The following IL16 variants were observed in gnomAD, a reference collection of about 807,000 sequenced individuals.
IL16 encodes the protein pro-interleukin-16.
Under a neutral mutation model 110.1 loss-of-function variants are expected in IL16, and 67 were observed. The ratio of observed to expected loss-of-function variants is 0.61; its 90% CI spans 0.50 to 0.75. IL16 has a LOEUF of 0.75. Among genes scored for constraint, IL16 ranks in the 30% least tolerant of loss-of-function variants. The pLI is 0.00. For missense variants in IL16, 1,545 were observed against 1,655.0 expected, an observed-to-expected ratio of 0.93 and a Z score of 1.15; for synonymous variants, 689 against 662.9, an observed-to-expected ratio of 1.04 and a Z score of -0.61.
At chr15:81,255,298 A>G (rs948432513) in intron 2 of IL16, among the ~76,000 whole-genome samples, 1 of 152,208 alleles carries the variant, frequency 6.6e-6, no homozygotes, top group African/African-American at 2.4e-5. Context: ...TCTCTCCTAT[A>G]GTAGCCATCT....
At chr15:81,292,462 C>G in intron 11 of IL16, 94 bp from the exon 12 acceptor site, 1 of 1,554,928 alleles carries the variant, frequency 6.4e-7, no homozygotes, top group Non-Finnish European at 8.8e-7. Context: ...GGCCGATGTG[C>G]AGTGTGCTGC....
Position 81,300,128 on chromosome 15 carries a change from C to A in IL16, c.2802C>A (p.Leu934=), listed in dbSNP as rs1301028038. 16 of 1,599,220 alleles carry A rather than the reference C, an allele frequency of 1.0e-5. No individual in the cohort carries two copies. The highest frequency in any genetic ancestry group is 6.9e-5 in the Admixed American group (4 of 58,130). ...PPGRQPNQKT[L]PPGPDPLLRL... ...GGCGGCAGCCCAATCAGAAAACTCT[C>A]CCCCCTGGCCCGGACCCGCTCCTAA... The change falls in exon 14 of 19, where the codon CTC becomes CTA. Residue 934 remains leucine (L), a synonymous_variant. Coordinates refer to ENST00000683961, the MANE Select transcript of IL16 (RefSeq NM_172217.5).
Position 81,209,538 on chromosome 15 carries a change from T to G in IL16, c.-102+12386T>G, listed in dbSNP as rs147329158. Among the ~76,000 whole-genome samples the G allele has an allele frequency of 1.8e-3, 267 of 152,206 alleles. 1 individual carries two copies. The highest frequency in any genetic ancestry group is 6.2e-3 in the African/African-American group (256 of 41,510). On this transcript the variant is annotated intron_variant, in intron 1 of 18. Coordinates refer to ENST00000683961, the MANE Select transcript of IL16 (RefSeq NM_172217.5). ...AGAACCTGAGCTCTCTTGTTCTTTT[T>G]TTTAAGGAGCACAGGTGATCCTTAA... is the stretch of plus-strand genomic sequence containing the variant.
At chr15:81,233,675 A>G (rs1431144906) in intron 2 of IL16, among the ~76,000 whole-genome samples, 1 of 152,060 alleles carries the variant, frequency 6.6e-6, no homozygotes, top group African/African-American at 2.4e-5. Context: ...ATATCTGTAT[A>G]TACATATATA....
rs541325308 is a variant in IL16, at chr15:81,207,869, C to T, written c.-102+10717C>T. On this transcript the variant is annotated intron_variant, in intron 1 of 18. Transcript: ENST00000683961. ...TTTTTTTTTTTTTTGGTATAATGAT[C>T]GGTTTTTCTTTGGGTATATATGCAG... 1.8e-4 allele frequency among the ~76,000 whole-genome samples: 26 copies of T among 148,310 alleles called. No individual in the cohort carries two copies. In the East Asian group the frequency reaches 3.5e-3, roughly 20 times the overall value.
chr15:81,278,911 C>A, intron 7 of IL16, 21 bp downstream of exon 7: 1 of 1,545,196 alleles, frequency 6.5e-7, no homozygotes, highest in Non-Finnish European at 9.0e-7. Flanking sequence ...CTTATCAACA[C>A]GTGACCAAAC....
intron 2 of IL16, among the ~76,000 whole-genome samples, chr15:81,249,552 T>C (rs557833188): frequency 6.6e-6 from 1 of 152,326 alleles, no homozygotes; most frequent in South Asian, 2.1e-4. Flanking sequence ...AGAAATGAGC[T>C]TTAAGTTTGA....
rs1900525569 is a variant in IL16, at chr15:81,305,906, A to C, written c.3421-2A>C. 6.2e-7 allele frequency: 1 copy of C among 1,613,544 alleles called. No individual in the cohort carries two copies. Among genetic ancestry groups the C allele is most frequent in the African/African-American group, 1.3e-5 (1 of 74,932 alleles). ...GGTCCTGACTTCCTTTGGTTTGCTC[A>C]GGTTCACAGAGTGTTTCCAAATGGG... On this transcript the variant is annotated splice_acceptor_variant, in intron 16 of 18. Coordinates refer to ENST00000683961, the MANE Select transcript of IL16 (RefSeq NM_172217.5). LOFTEE classifies it high-confidence loss of function.
rs10674282 is a variant in IL16, at chr15:81,256,351, T to TGA, written c.313-3418_313-3417dup. 1.1e-4 allele frequency among the ~76,000 whole-genome samples: 16 copies of TGA among 150,324 alleles called. No individual in the cohort carries two copies. The East Asian group carries it at 3.1e-3, about 29-fold the overall frequency. ...TACAAACTTTTTTTTTTTTTTTTTTTGAGACAGAGTCTCGCTCTGTCACCC... is the reference window on the plus strand; with the variant it reads ...TACAAACTTTTTTTTTTTTTTTTTTTGAGAGACAGAGTCTCGCTCTGTCACCC... On this transcript the variant is annotated intron_variant, in intron 2 of 18. Coordinates refer to ENST00000683961, the MANE Select transcript of IL16 (RefSeq NM_172217.5).
intron 2 of IL16, among the ~76,000 whole-genome samples, chr15:81,253,135 C>G (rs749895381): frequency 2.0e-5 from 3 of 152,092 alleles, no homozygotes; most frequent in Admixed American, 1.3e-4. Flanking sequence ...CTTACACTAG[C>G]AGGTATAAAG....
chr15:81,288,536 G>A (rs921153178), intron 10 of IL16, among the ~76,000 whole-genome samples: 2 of 152,120 alleles, frequency 1.3e-5, no homozygotes, highest in African/African-American at 4.8e-5. Flanking sequence ...TCTCATTGTT[G>A]TGCAACCATT....
At chr15:81,200,557 G>A (rs113438694) in intron 1 of IL16, among the ~76,000 whole-genome samples, 17,413 of 151,974 alleles carry the variant, frequency 0.11, 1,158 homozygotes, top group East Asian at 0.32. Flanking sequence ...TTTTATTAGA[G>A]ATGGGGTTTT....
intron 1 of IL16, among the ~76,000 whole-genome samples, chr15:81,213,572 A>G (rs974054308): frequency 2.0e-5 from 3 of 152,100 alleles, no homozygotes; most frequent in Admixed American, 1.3e-4. Context: ...GGGTGCTCCA[A>G]TGTTGGGTGC....
intron 2 of IL16, among the ~76,000 whole-genome samples, chr15:81,232,978 G>A (rs12907134): frequency 0.49 from 73,862 of 151,896 alleles, 18,734 homozygotes; most frequent in Non-Finnish European, 0.57. Context: ...CCTATGAGCC[G>A]TCTGGGACTA....
intron 8 of IL16, 93 bp from the exon 9 acceptor site, chr15:81,282,546 C>T: frequency 1.1e-6 from 1 of 880,794 alleles, no homozygotes; most frequent in Non-Finnish European, 1.9e-6. Flanking sequence ...GCTGTAATAA[C>T]CAGGGGGCCA....
intron 6 of IL16, among the ~76,000 whole-genome samples, chr15:81,274,538 G>C (rs1037412258): frequency 1.3e-5 from 2 of 152,188 alleles, no homozygotes; most frequent in African/African-American, 4.8e-5. Context: ...ATATACAATG[G>C]AACCATGATT....
intron 6 of IL16, among the ~76,000 whole-genome samples, chr15:81,278,468 G>A (rs545154117): frequency 2.0e-5 from 3 of 152,344 alleles, no homozygotes; most frequent in Middle Eastern, 3.4e-3. Context: ...GAAAATGCAG[G>A]TCGTGTTGCA....
chr15:81,304,096 C>T (rs1466683524), intron 16 of IL16, among the ~76,000 whole-genome samples: 1 of 152,254 alleles, frequency 6.6e-6, no homozygotes, highest in Non-Finnish European at 1.5e-5. Context: ...ACAAATCCTC[C>T]AGTTCACAGC....
chr15:81,221,742 A>T (rs1896624231), intron 1 of IL16, among the ~76,000 whole-genome samples: 1 of 151,962 alleles, frequency 6.6e-6, no homozygotes, highest in Non-Finnish European at 1.5e-5. Context: ...CTCTTAACCA[A>T]AGTGTTAATG....
Sources: gnomAD v4.1 joint callset for allele counts (sites outside exome capture counted in the v4.1 genomes callset) on GRCh38, gnomAD v4.1.1 for gene constraint, MANE v1.5 for transcripts, NCBI Gene and HGNC (gene_info 2026-07-23, HGNC 2026-07-21) for gene names.